The following GALC variants were observed in gnomAD, a reference collection of about 807,000 sequenced individuals.
GALC encodes galactosylceramidase.
Under a neutral mutation model 91.8 loss-of-function variants are expected in GALC, and 77 were observed. That is an observed-to-expected ratio of 0.84 (90% confidence interval 0.70 to 1.01). GALC has a LOEUF of 1.01. GALC is among the 50% of genes least tolerant of loss of function. The pLI, the probability that GALC is intolerant of heterozygous loss-of-function variation, is 0.00. For synonymous variants in GALC, 357 were observed against 306.7 expected, an observed-to-expected ratio of 1.16 and a Z score of -1.71; for missense variants, 882 against 855.9, an observed-to-expected ratio of 1.03 and a Z score of -0.38.
At chr14:87,962,952 C>T (rs1243272851) in intron 10 of GALC, among the ~76,000 whole-genome samples, 2 of 152,096 alleles carry the variant, frequency 1.3e-5, no homozygotes, top group Non-Finnish European at 2.9e-5. Flanking sequence ...ACCTGTCAGA[C>T]CTATTCCCTT....
In GALC at chr14:87,988,473, T is replaced by C. The variant is rs1887063180; in HGVS notation, c.246A>G (p.Ile82Met). The C allele has an allele frequency of 1.2e-6, 2 of 1,608,306 alleles. No individual in the cohort carries two copies. The highest frequency in any genetic ancestry group is 4.5e-5 in the East Asian group (2 of 44,838). Residue 82 changes from isoleucine (I) to methionine (M), a missense_variant, in exon 2 of 17, where the codon ATA (isoleucine) becomes ATG (methionine). Physicochemically the swap from Ile to Met is conservative, Grantham distance 10. Coordinates refer to ENST00000261304, the MANE Select transcript of GALC (RefSeq NM_000153.4). ...VNYPEPYRSQ[I>M]LDYLFKPNFG... ...TCATTACCTTAAAGAGATAATCCAATATCTGAGAACGATAGGGCTCTGGGT... is the reference window on the plus strand; with the variant it reads ...TCATTACCTTAAAGAGATAATCCAACATCTGAGAACGATAGGGCTCTGGGT...
At chr14:87,937,829 A>C (rs1381115158) in intron 16 of GALC, among the ~76,000 whole-genome samples, 1 of 151,970 alleles carries the variant, frequency 6.6e-6, no homozygotes, top group Non-Finnish European at 1.5e-5. Context: ...AAAAGTTTGC[A>C]AAAATAAAAC....
At chr14:87,988,576 T>C (rs1344262455) in intron 1 of GALC, 53 bp from the exon 2 acceptor site, 2 of 1,274,702 alleles carry the variant, frequency 1.6e-6, no homozygotes, top group African/African-American at 1.5e-5. Flanking sequence ...GTCATGAATA[T>C]CTGTCTACAG....
rs140977847 is a variant in GALC, at chr14:87,989,310, T to C, written c.196-787A>G. Among the ~76,000 whole-genome samples the C allele has an allele frequency of 2.0e-3, 311 of 152,272 alleles. 5 individuals carry two copies. Among genetic ancestry groups the C allele is most frequent in the African/African-American group, 7.1e-3 (295 of 41,556 alleles). On this transcript the variant is annotated intron_variant, in intron 1 of 16. Coordinates refer to ENST00000261304, the MANE Select transcript of GALC (RefSeq NM_000153.4). The stretch of plus-strand genomic sequence containing the variant: ...GTATGATGGTTGGGACAAAATACTT[T>C]TATGGGGTTCAACTTTCTATTTTAT...
At position 87,934,194 on chromosome 14, in the gene GALC, A is replaced by T; in HGVS notation, c.*538T>A. ...TCCTGCATTTCAAAAGTATCATCTT[A>T]AAAAGGAAAATAAAAAAATACTTTT... On this transcript the variant is annotated 3_prime_UTR_variant, in exon 17 of 17. Transcript: ENST00000261304. 1 of 1,395,850 alleles carries T rather than the reference A, an allele frequency of 7.2e-7. No individual in the cohort carries two copies. The highest frequency in any genetic ancestry group is 9.3e-7 in the Non-Finnish European group (1 of 1,078,768). 86.5% of individuals were successfully genotyped at this position (1,395,850 alleles called of 1,614,324 possible).
Position 87,934,490 on chromosome 14 carries a change from A to G in GALC, c.*242T>C. The G allele has an allele frequency of 7.2e-7, 1 of 1,393,782 alleles. No individual in the cohort carries two copies. Among genetic ancestry groups the G allele is most frequent in the East Asian group, 2.8e-5 (1 of 35,576 alleles). 86.3% of individuals were successfully genotyped at this position (1,393,782 alleles called of 1,614,324 possible). On this transcript the variant is annotated 3_prime_UTR_variant, in exon 17 of 17. Transcript: ENST00000261304. Reference sequence around the variant, plus strand: ...ACTCCTAAGGGTATGGCCAATGCACAGTTTGAATGTTAGGGAACACACCAG... The same window carrying G: ...ACTCCTAAGGGTATGGCCAATGCACGGTTTGAATGTTAGGGAACACACCAG...
At chr14:87,977,504 T>C (rs145873620) in intron 6 of GALC, among the ~76,000 whole-genome samples, 2 of 152,232 alleles carry the variant, frequency 1.3e-5, no homozygotes, top group African/African-American at 2.4e-5. Flanking sequence ...GGATTGCCTA[T>C]ATGCAAATCA....
chr14:87,956,532 T>A (rs977286054), intron 10 of GALC, among the ~76,000 whole-genome samples: 1 of 150,712 alleles, frequency 6.6e-6, no homozygotes, highest in African/African-American at 2.5e-5. Context: ...TATATGTATA[T>A]ACATACACCA....
At position 87,945,678 on chromosome 14, in the gene GALC, T is replaced by C. The variant is rs771025782; in HGVS notation, c.1545A>G (p.Glu515=). Residue 515 remains glutamate (E), a synonymous_variant, in exon 14 of 17, where the codon GAA becomes GAG. Transcript: ENST00000261304. ...PNFADQTGVF[E]YFTNIEDPGE... is the part of the protein sequence containing the mutation. ...CAGGGTCTTCAATATTTGTAAAATATTCAAATACACCAGTTTGATCAGCAA... is the reference window on the plus strand; with the variant it reads ...CAGGGTCTTCAATATTTGTAAAATACTCAAATACACCAGTTTGATCAGCAA... 6.2e-7 allele frequency: 1 copy of C among 1,612,278 alleles called. No individual in the cohort carries two copies. The highest frequency in any genetic ancestry group is 1.1e-5 in the South Asian group (1 of 91,050).
At chr14:87,988,870 T>G (rs1887079490) in intron 1 of GALC, among the ~76,000 whole-genome samples, 2 of 152,200 alleles carry the variant, frequency 1.3e-5, no homozygotes, top group African/African-American at 4.8e-5. Context: ...GGGATGAATG[T>G]CAGGTAATTT....
chr14:87,982,084 A>G, intron 6 of GALC, 121 bp downstream of exon 6: 1 of 565,964 alleles, frequency 1.8e-6, no homozygotes, highest in Non-Finnish European at 3.2e-6. Flanking sequence ...CAAAATAAAT[A>G]ACTGTAGTAT....
In GALC at chr14:87,938,188, G is replaced by C. The variant is rs376711200; in HGVS notation, c.1911+1717C>G. Among the ~76,000 whole-genome samples the C allele has an allele frequency of 3.3e-5, 5 of 151,984 alleles. No homozygotes were observed. The East Asian group carries it at 5.8e-4, about 18-fold the overall frequency. On this transcript the variant is annotated intron_variant, in intron 16 of 16. Coordinates refer to ENST00000261304, the MANE Select transcript of GALC (RefSeq NM_000153.4). ...TTCTAGGTGCTACAGAGCCAGCAGT[G>C]AGGAATATGGAGAAAAGCCTGTCAC... is the stretch of plus-strand genomic sequence containing the variant.
At chr14:87,957,590 G>C (rs1433952652) in intron 10 of GALC, among the ~76,000 whole-genome samples, 2 of 151,916 alleles carry the variant, frequency 1.3e-5, no homozygotes, top group Non-Finnish European at 2.9e-5. Context: ...CTTTATTTTT[G>C]GGTTCTGTAT....
chr14:87,948,064 A>C (rs1169468416), intron 12 of GALC, among the ~76,000 whole-genome samples, 186 bp from the exon 13 acceptor site: 2 of 152,084 alleles, frequency 1.3e-5, no homozygotes, highest in African/African-American at 4.8e-5. Context: ...GTATTTTAGA[A>C]AACTTTATAA....
chr14:87,959,777 C>T (rs1433719380), intron 10 of GALC: 2 of 151,394 alleles, frequency 1.3e-5, no homozygotes, highest in East Asian at 3.9e-4. Flanking sequence ...AATCCCACTA[C>T]TGTGTATATA....
chr14:87,958,165 T>G (rs1409698480), intron 10 of GALC, among the ~76,000 whole-genome samples: 2 of 151,996 alleles, frequency 1.3e-5, no homozygotes, highest in South Asian at 2.1e-4. Context: ...ACATATAAAT[T>G]TATGTATAAA....
In GALC at chr14:87,941,471, A is replaced by G. The variant is rs746189262; in HGVS notation, c.1758T>C (p.Gly586=). The change falls in exon 15 of 17, where the codon GGT becomes GGC. Residue 586 remains glycine (G), a synonymous_variant. Transcript: ENST00000261304. ...VFIAGRVNKG[G]ILIRSARGIF... ...TTCCTCTGGCACTTCTAATCAAAAT[A>G]CCACCTTTATTTACTCTTCCTGCAA... is the stretch of plus-strand genomic sequence containing the variant. 4.5e-5 allele frequency: 73 copies of G among 1,606,408 alleles called. No homozygotes were observed. The highest frequency in any genetic ancestry group is 5.7e-5 in the Non-Finnish European group (67 of 1,173,536).
chr14:87,992,245 GA>G, intron 1 of GALC: 1 of 1,515,734 alleles, frequency 6.6e-7, no homozygotes, highest in African/African-American at 1.4e-5. Flanking sequence ...ACATTTTCAA[GA>G]AACATTAGCC....
In GALC at chr14:87,939,974, C is replaced by A. The variant is rs1884767890; in HGVS notation, c.1842G>T (p.Trp614Cys). Reference protein sequence around the residue: ...SYRVTGDLAGWIIYALGRVEV... With the variant: ...SYRVTGDLAGCIIYALGRVEV... ...CAACACGTCCTAAAGCATATATAAT[C>A]CATCCAGCTGTAACACAAAAATATT... is the stretch of plus-strand genomic sequence containing the variant. The change falls in exon 16 of 17, where the codon TGG becomes TGT. Residue 614 changes from tryptophan to cysteine, a missense_variant. Physicochemically the swap from Trp to Cys is radical, Grantham distance 215. Transcript: ENST00000261304. 6.2e-7 allele frequency: 1 copy of A among 1,608,748 alleles called. No homozygotes were observed. Among genetic ancestry groups the A allele is most frequent in the Non-Finnish European group, 8.5e-7 (1 of 1,175,824 alleles).
Sources: gnomAD v4.1 joint callset for allele counts (sites outside exome capture counted in the v4.1 genomes callset) on GRCh38, gnomAD v4.1.1 for gene constraint, MANE v1.5 for transcripts, NCBI Gene and HGNC (gene_info 2026-07-23, HGNC 2026-07-21) for gene names.